SHC2: variants seen among roughly 807,000 people sequenced by gnomAD.
SHC2 encodes SHC adaptor protein 2, also known as SHC-transforming protein 2.
SHC2 carries 62 observed loss-of-function variants against 60.6 expected under a neutral mutation model. That is an observed-to-expected ratio of 1.02 (90% CI 0.83 to 1.26). The LOEUF (loss-of-function observed/expected upper bound fraction) is 1.26, where lower values mean the gene tolerates loss of function less well. Ranked by LOEUF, SHC2 falls within the 50% of genes most tolerant of loss-of-function variation. SHC2 has a pLI of 0.00. For missense variants in SHC2, 873 were observed against 822.2 expected, an observed-to-expected ratio of 1.06 and a Z score of -0.76; for synonymous variants, 375 against 372.4, an observed-to-expected ratio of 1.01 and a Z score of -0.08.
rs1183830345 is a variant in SHC2, at chr19:422,201, G to C, written c.1565C>G (p.Thr522Ser). Residue 522 changes from threonine to serine, a missense_variant, in exon 11 of 13, where the codon ACC becomes AGC. By Grantham distance (58) the Thr-to-Ser change is moderately conservative. Coordinates refer to ENST00000264554, the MANE Select transcript of SHC2 (RefSeq NM_012435.3). The surrounding 1 kb of genome is among the most constrained non-coding windows in gnomAD (Gnocchi z 5.0). ...SVTNPGQYVL[T>S]GMHAGQPKHL... ...CTTGGGCTGCCCGGCGTGCATGCCGGTGAGGACATACTGCCCGGGGTTGGT... is the reference window on the plus strand; with the variant it reads ...CTTGGGCTGCCCGGCGTGCATGCCGCTGAGGACATACTGCCCGGGGTTGGT... The C allele has an allele frequency of 6.2e-7, 1 of 1,612,632 alleles. No individual in the cohort carries two copies. The highest frequency in any genetic ancestry group is 1.1e-5 in the South Asian group (1 of 90,942).
intron 12 of SHC2, 35 bp downstream of exon 12, chr19:418,888 G>A (rs1398250553): frequency 1.3e-6 from 2 of 1,566,380 alleles, no homozygotes; most frequent in Non-Finnish European, 1.7e-6. Context: ...TGGCAAAGGA[G>A]GCAAGGCCAG....
chr19:442,378 G>A lies in SHC2; in HGVS notation c.469-1446C>T, dbSNP rs145962367. ...GGAAGGATGGATGGATGGGTGGGTG[G>A]GTAGATGAGTAGATGAGTGGATGGG... On this transcript the variant is annotated intron_variant, in intron 1 of 12. Coordinates refer to ENST00000264554, the MANE Select transcript of SHC2 (RefSeq NM_012435.3). Among the ~76,000 whole-genome samples, 715 of 144,944 alleles carry A rather than the reference G, an allele frequency of 4.9e-3. 8 individuals are homozygous for A. The highest frequency in any genetic ancestry group is 0.017 in the African/African-American group (676 of 38,664).
Position 460,557 on chromosome 19 carries a change from AG to A in SHC2, c.439del (p.Leu147TrpfsTer32). On this transcript the variant is annotated frameshift_variant, in exon 1 of 13. Coordinates refer to ENST00000264554, the MANE Select transcript of SHC2 (RefSeq NM_012435.3). LOFTEE classifies it high-confidence loss of function. ...HGWLHPDARV[L>X]GPGVSYVVRY... ...CACGACGTAGGAGACCCCGGGCCCCAGGACCCTGGCGTCGGGGTGTAGCCAG... is the reference window on the plus strand; with the variant it reads ...CACGACGTAGGAGACCCCGGGCCCCAGACCCTGGCGTCGGGGTGTAGCCAG... 1 of 1,414,020 alleles carries A rather than the reference AG, an allele frequency of 7.1e-7. No homozygotes were observed. The allele number at this position is 1,414,020 out of a possible 1,614,324, so 87.6% of individuals were successfully genotyped here.
At chr19:430,836 G>C (rs1004820259) in intron 8 of SHC2, 89 bp from the exon 9 acceptor site, 294 of 1,209,700 alleles carry the variant, frequency 2.4e-4, no homozygotes, top group Non-Finnish European at 4.4e-5. Flanking sequence ...GGCCCTCTTA[G>C]ATGGCTGGAG....
At chr19:435,927 C>T (rs775544262) in intron 7 of SHC2, 1 of 507,018 alleles carries the variant, frequency 2.0e-6, no homozygotes, top group Admixed American at 3.2e-5. Context: ...GCCTCAGGCA[C>T]ACCGGGGAGT....
At chr19:428,669 A>G (rs944327756) in intron 9 of SHC2, among the ~76,000 whole-genome samples, 2 of 152,212 alleles carry the variant, frequency 1.3e-5, no homozygotes, top group Non-Finnish European at 2.9e-5. Flanking sequence ...AAGAAAACAG[A>G]TGCAGACAGG....
At position 424,947 on chromosome 19, in the gene SHC2, C is replaced by T. The variant is rs1207384637; in HGVS notation, c.1309+150G>A. 2.3e-6 allele frequency: 2 copies of T among 852,440 alleles called. No homozygotes were observed. The highest frequency in any genetic ancestry group is 1.6e-6 in the Non-Finnish European group (1 of 608,138). 52.8% of individuals were successfully genotyped at this position (852,440 alleles called of 1,614,324 possible). A position where few individuals can be genotyped will look rare whatever the true frequency, so the allele number is the denominator to read the frequency against. On this transcript the variant is annotated intron_variant, in intron 10 of 12. Coordinates refer to ENST00000264554, the MANE Select transcript of SHC2 (RefSeq NM_012435.3). The surrounding 1 kb of genome is among the most constrained non-coding windows in gnomAD (Gnocchi z 4.5). ...AGGAGACAGACTGGGCTTCCCCGTC[C>T]CACCCGTCGACTTGAAGGATCTCAC...
rs559662815 is a variant in SHC2 at position 445,433 on chromosome 19, C to T, written c.469-4501G>A. Among the ~76,000 whole-genome samples, 3 of 152,312 alleles carry T rather than the reference C, an allele frequency of 2.0e-5. No homozygotes were observed. Among genetic ancestry groups the T allele is most frequent in the South Asian group, 2.1e-4 (1 of 4,828 alleles). The stretch of plus-strand genomic sequence containing the variant: ...TCGTGGCCCTCCCAGCCTCCAGAAC[C>T]GTGAGAAATAAATTTCTAGGCCTGG... On this transcript the variant is annotated intron_variant, in intron 1 of 12. Coordinates refer to ENST00000264554, the MANE Select transcript of SHC2 (RefSeq NM_012435.3). This position sits in a 1 kb window ranked among gnomAD's most constrained non-coding sequence, Gnocchi z 4.4.
intron 9 of SHC2, among the ~76,000 whole-genome samples, chr19:429,607 AAACCTAATACCGTGTGGATGACACAG>A (rs1974515163): frequency 6.9e-6 from 1 of 144,164 alleles, no homozygotes; most frequent in Admixed American, 7.0e-5. Context: ...ACATGCAGAG[AAACCTAATACCGTGTGGATGACACAG>A]TACCTATACC....
chr19:436,793 G>A (rs1268887045), intron 4 of SHC2, 110 bp from the exon 5 acceptor site: 1 of 1,060,750 alleles, frequency 9.4e-7, no homozygotes, highest in Admixed American at 2.1e-5. Context: ...AGGGATGTGG[G>A]GATGGAGACG....
At position 425,273 on chromosome 19, in the gene SHC2, G is replaced by A; in HGVS notation, c.1175-42C>T. The A allele has an allele frequency of 3.1e-6, 4 of 1,307,746 alleles. 1 individual carries two copies. The African/African-American group carries it at 4.5e-5, about 15-fold the overall frequency. 81.0% of individuals were successfully genotyped at this position (1,307,746 alleles called of 1,614,324 possible). A position where few individuals can be genotyped will look rare whatever the true frequency, so the allele number is the denominator to read the frequency against. On this transcript the variant is annotated intron_variant, in intron 9 of 12. Transcript: ENST00000264554. The surrounding 1 kb of genome is among the most constrained non-coding windows in gnomAD (Gnocchi z 4.1). ...GGGGCAGGGGGTCAGCTGGGAGCCA[G>A]GCGAGGGGCTCGCAGGGAGCAAGGC...
At chr19:444,863 T>G (rs1975014616) in intron 1 of SHC2, among the ~76,000 whole-genome samples, 1 of 152,204 alleles carries the variant, frequency 6.6e-6, no homozygotes, top group Non-Finnish European at 1.5e-5. Flanking sequence ...GGTCTGTTAA[T>G]CCACTCCACG....
chr19:458,010 A>G (rs117805794), intron 1 of SHC2, among the ~76,000 whole-genome samples: 4,390 of 93,900 alleles, frequency 0.047, 245 homozygotes, highest in Middle Eastern at 0.12. Context: ...GAGGCAGAAG[A>G]GGGTCTTGGG....
chr19:456,258 G>C (rs1369904130), intron 1 of SHC2, among the ~76,000 whole-genome samples: 1 of 152,170 alleles, frequency 6.6e-6, no homozygotes, highest in Non-Finnish European at 1.5e-5. Flanking sequence ...GGGACCGGCT[G>C]TCCCTGTGCC....
rs147894470 is a variant in SHC2 at position 458,385 on chromosome 19, G to A, written c.468+2144C>T. ...AGGCGGAAGCGGGTCCCGGGGAGGC[G>A]GAATCGGGTTCCGGGGAGGCGGAAG... On this transcript the variant is annotated intron_variant, in intron 1 of 12. Transcript: ENST00000264554. 3.8e-3 allele frequency among the ~76,000 whole-genome samples: 504 copies of A among 133,200 alleles called. 25 individuals are homozygous for A. The highest frequency in any genetic ancestry group is 0.018 in the East Asian group (72 of 3,948). 87.4% of individuals were successfully genotyped at this position (133,200 alleles called of 152,430 possible). A position where few individuals can be genotyped will look rare whatever the true frequency, so the allele number is the denominator to read the frequency against.
Position 445,179 on chromosome 19 carries a change from G to C in SHC2, c.469-4247C>G, listed in dbSNP as rs1176665645. Among the ~76,000 whole-genome samples, 1 of 152,206 alleles carries C rather than the reference G, an allele frequency of 6.6e-6. No homozygotes were observed. The highest frequency in any genetic ancestry group is 1.5e-5 in the Non-Finnish European group (1 of 68,044). The stretch of plus-strand genomic sequence containing the variant: ...TATCGATCTAGGGCTGAATATCTGT[G>C]CCCCCCTCAAAATCCCTCTGTGGAA... On this transcript the variant is annotated intron_variant, in intron 1 of 12. Coordinates refer to ENST00000264554, the MANE Select transcript of SHC2 (RefSeq NM_012435.3). This position sits in a 1 kb window ranked among gnomAD's most constrained non-coding sequence, Gnocchi z 4.4.
Position 419,054 on chromosome 19 carries a change from T to C in SHC2, c.1623A>G (p.Val541=). 1.3e-6 allele frequency: 2 copies of C among 1,580,512 alleles called. No homozygotes were observed. Among genetic ancestry groups the C allele is most frequent in the Non-Finnish European group, 1.7e-6 (2 of 1,162,850 alleles). ...HLLLVDPEGV[V]RTKDVLFESI... is the part of the protein sequence containing the mutation. ...TCTCAAACAGCACGTCCTTCGTCCG[T>C]ACCTGCGGGACAGAGACCTCGGCAT... Residue 541 remains valine (V), a splice_region_variant and synonymous_variant, in exon 12 of 13, where the codon GTA becomes GTG. Transcript: ENST00000264554.
At chr19:419,146 C>T in intron 11 of SHC2, 90 bp from the exon 12 acceptor site, 2 of 1,420,848 alleles carry the variant, frequency 1.4e-6, no homozygotes, top group Non-Finnish European at 9.4e-7. Flanking sequence ...TGCCGGGGAG[C>T]CCCTAGGGTG....
intron 9 of SHC2, 94 bp downstream of exon 9, chr19:430,588 CAG>C (rs1974557484): frequency 1.0e-5 from 9 of 899,258 alleles, no homozygotes; most frequent in South Asian, 9.6e-5. Context: ...GTGAAATAAG[CAG>C]AGAGGAGAAA....
Sources: allele counts gnomAD v4.1 joint callset (sites outside exome capture counted in the v4.1 genomes callset), GRCh38; gene constraint gnomAD v4.1.1; non-coding constraint Gnocchi (gnomAD v3.1); transcripts MANE v1.5; gene names NCBI Gene and HGNC (gene_info 2026-07-23, HGNC 2026-07-21).